WDR35: variants seen among roughly 807,000 people sequenced by gnomAD.
The protein encoded by WDR35 is WD repeat-containing protein 35.
WDR35 carries 118 observed loss-of-function variants against 158.3 expected under a neutral mutation model. That is an observed-to-expected ratio of 0.75 (90% CI 0.64 to 0.87). The LOEUF is 0.87. Among genes scored for constraint, WDR35 ranks in the 40% least tolerant of loss-of-function variants. The pLI is 0.00. For synonymous variants in WDR35, 448 were observed against 476.1 expected, an observed-to-expected ratio of 0.94 and a Z score of 0.77; for missense variants, 1,263 against 1,405.8, an observed-to-expected ratio of 0.90 and a Z score of 1.62.
chr2:19,946,483 A>G lies in WDR35; in HGVS notation c.1612T>C (p.Leu538=), dbSNP rs1671057178. 2 of 1,613,492 alleles carry G rather than the reference A, an allele frequency of 1.2e-6. No homozygotes were observed. The highest frequency in any genetic ancestry group is 1.7e-5 in the Admixed American group (1 of 59,994). The change falls in exon 15 of 27, where the codon TTA becomes CTA. Residue 538 remains leucine, a synonymous_variant. Coordinates refer to ENST00000281405, the MANE Select transcript of WDR35 (RefSeq NM_020779.4). ...TACCTAGAGTTGCAATTCAAGGATA[A>G]CTGGTAGGCTCGACAATTAAGGGAA... is the stretch of plus-strand genomic sequence containing the variant. ...KYSLNCRAYQ[L]SLNCNSSRLA...
chr2:19,924,466 A>G (rs1670293567), intron 25 of WDR35, among the ~76,000 whole-genome samples: 1 of 152,170 alleles, frequency 6.6e-6, no homozygotes, highest in Admixed American at 6.5e-5. Flanking sequence ...CAGGAGGCTG[A>G]GGCAGGAGAA....
chr2:19,936,299 A>C lies in WDR35; in HGVS notation c.2334T>G (p.Thr778=). 1 of 1,614,034 alleles carries C rather than the reference A, an allele frequency of 6.2e-7. No homozygotes were observed. The highest frequency in any genetic ancestry group is 8.5e-7 in the Non-Finnish European group (1 of 1,179,934). Residue 778 remains threonine (T), a synonymous_variant, in exon 20 of 27, where the codon ACT becomes ACG. Transcript: ENST00000281405. ...GACTGTCATCTGCATCACCAGATCCAGTTTTCAGGAGCTGGAGTACTCTAA... is the reference window on the plus strand; with the variant it reads ...GACTGTCATCTGCATCACCAGATCCCGTTTTCAGGAGCTGGAGTACTCTAA... The part of the protein sequence containing the change: ...DWFRVLQLLK[T]GSGDADDSLL...
chr2:19,941,642 G>A, intron 17 of WDR35, 117 bp downstream of exon 17: 1 of 708,684 alleles, frequency 1.4e-6, no homozygotes, highest in Non-Finnish European at 2.4e-6. Flanking sequence ...GAGCAGGGCT[G>A]GGCCTGAGAT....
At position 19,941,449 on chromosome 2, in the gene WDR35, G is replaced by A. The variant is rs79244223; in HGVS notation, c.1926+310C>T. 9.9e-3 allele frequency among the ~76,000 whole-genome samples: 1,512 copies of A among 152,178 alleles called. 27 individuals are homozygous for A. Among genetic ancestry groups the A allele is most frequent in the African/African-American group, 0.034 (1,429 of 41,510 alleles). On this transcript the variant is annotated intron_variant, in intron 17 of 26. Transcript: ENST00000281405. ...CATTTTTTTTAGCTCTCACTTGGCC[G>A]TAGCATTGTGCTAATTGCTTTTCAC...
At chr2:19,943,385 G>T (rs1670938182) in intron 16 of WDR35, among the ~76,000 whole-genome samples, 1 of 152,036 alleles carries the variant, frequency 6.6e-6, no homozygotes, top group Non-Finnish European at 1.5e-5. Context: ...GCTCTAAAAT[G>T]TGCATTATGC....
At position 19,962,091 on chromosome 2, in the gene WDR35, T is replaced by G. The variant is rs10165128; in HGVS notation, c.1195-1477A>C. The stretch of plus-strand genomic sequence containing the variant: ...TCTTTAGGGATGGACTAAATATCTG[T>G]TATCATTGCTTACAAAAATGTCTTG... On this transcript the variant is annotated intron_variant, in intron 10 of 26. Coordinates refer to ENST00000281405, the MANE Select transcript of WDR35 (RefSeq NM_020779.4). Among the ~76,000 whole-genome samples, 69,725 of 152,010 alleles carry G rather than the reference T, an allele frequency of 0.46. 16,216 individuals carry two copies. The highest frequency in any genetic ancestry group is 0.64 in the East Asian group (3,309 of 5,180).
rs1453892642 is a variant in WDR35, at chr2:19,912,442, T to C, written c.*1116A>G. 6.6e-6 allele frequency: 1 copy of C among 152,218 alleles called. No homozygotes were observed. The highest frequency in any genetic ancestry group is 1.5e-5 in the Non-Finnish European group (1 of 68,032). 9.4% of individuals were successfully genotyped at this position (152,218 alleles called of 1,614,324 possible). A position where few individuals can be genotyped will look rare whatever the true frequency, so the allele number is the denominator to read the frequency against. On this transcript the variant is annotated 3_prime_UTR_variant, in exon 27 of 27. Coordinates refer to ENST00000281405, the MANE Select transcript of WDR35 (RefSeq NM_020779.4). ...AAGCTCATCTAGGCTCTAAATCTCT[T>C]CTCATAGCTCACTATTCCCAATCTG...
At chr2:19,932,176 T>C in intron 23 of WDR35, 107 bp downstream of exon 23, 2 of 1,422,224 alleles carry the variant, frequency 1.4e-6, no homozygotes, top group Non-Finnish European at 2.0e-6. Flanking sequence ...AGAGTGGTTT[T>C]GCTGTAATAA....
chr2:19,925,504 C>T (rs550736296), intron 25 of WDR35, among the ~76,000 whole-genome samples: 43 of 152,296 alleles, frequency 2.8e-4, no homozygotes, highest in African/African-American at 9.9e-4. Context: ...TTGGTAGATA[C>T]AGGAGCGGAC....
intron 9 of WDR35, 134 bp from the exon 10 acceptor site, chr2:19,967,043 AT>A: frequency 1.2e-6 from 1 of 812,368 alleles, no homozygotes; most frequent in Non-Finnish European, 2.0e-6. Context: ...GACAAAATAT[AT>A]TCTTCAGAAA....
At chr2:19,964,146 G>A (rs756383198) in intron 10 of WDR35, among the ~76,000 whole-genome samples, 2 of 152,048 alleles carry the variant, frequency 1.3e-5, no homozygotes, top group Non-Finnish European at 2.9e-5. Context: ...GATCCTTGAC[G>A]TTATGAAATC....
intron 25 of WDR35, among the ~76,000 whole-genome samples, chr2:19,925,227 T>C (rs1202288840): frequency 6.6e-6 from 1 of 152,238 alleles, no homozygotes; most frequent in Non-Finnish European, 1.5e-5. Flanking sequence ...AAAAGGGGTA[T>C]AAATACATAC....
chr2:19,989,889 G>T, intron 1 of WDR35, 103 bp downstream of exon 1: 1 of 1,559,124 alleles, frequency 6.4e-7, no homozygotes, highest in South Asian at 1.2e-5. Context: ...GCGAAGCCAC[G>T]ACCAGGACCG....
intron 15 of WDR35, among the ~76,000 whole-genome samples, 177 bp from the exon 16 acceptor site, chr2:19,946,173 A>G (rs181631959): frequency 6.1e-4 from 92 of 151,702 alleles, no homozygotes; most frequent in Admixed American, 9.2e-4. Context: ...ACTACTCTCT[A>G]TTTTGCTCTC....
At position 19,936,483 on chromosome 2, in the gene WDR35, T is replaced by C; in HGVS notation, c.2268-118A>G. 2.1e-6 allele frequency: 3 copies of C among 1,453,946 alleles called. No individual in the cohort carries two copies. The South Asian group carries it at 3.6e-5, about 17-fold the overall frequency. 90.1% of individuals were successfully genotyped at this position (1,453,946 alleles called of 1,614,324 possible). ...GCTACACAGCAGTGGACAATGTGACTCTCCAAACACTTTAGGAACTTAGCC... is the reference window on the plus strand; with the variant it reads ...GCTACACAGCAGTGGACAATGTGACCCTCCAAACACTTTAGGAACTTAGCC... On this transcript the variant is annotated intron_variant, in intron 19 of 26. Coordinates refer to ENST00000281405, the MANE Select transcript of WDR35 (RefSeq NM_020779.4).
chr2:19,975,506 A>G, intron 6 of WDR35, 24 bp downstream of exon 6: 1 of 1,605,712 alleles, frequency 6.2e-7, no homozygotes, highest in Non-Finnish European at 8.5e-7. Flanking sequence ...TGTATAAACA[A>G]GACTGATGCA....
At chr2:19,918,795 G>C (rs1670068958) in intron 25 of WDR35, among the ~76,000 whole-genome samples, 1 of 152,094 alleles carries the variant, frequency 6.6e-6, no homozygotes, top group Non-Finnish European at 1.5e-5. Context: ...CACAATAATA[G>C]TGGGAGACTT....
intron 8 of WDR35, among the ~76,000 whole-genome samples, chr2:19,970,869 A>T (rs556894897): frequency 8.4e-4 from 128 of 152,294 alleles, no homozygotes; most frequent in Admixed American, 1.8e-3. Flanking sequence ...TTCCTCAACG[A>T]GTCCTGCCTT....
chr2:19,969,398 A>G, intron 9 of WDR35, 82 bp downstream of exon 9: 1 of 1,455,264 alleles, frequency 6.9e-7, no homozygotes, highest in Non-Finnish European at 9.4e-7. Flanking sequence ...CTAAAACAAG[A>G]CAGCTTTGAA....
Sources: allele counts gnomAD v4.1 joint callset (sites outside exome capture counted in the v4.1 genomes callset), GRCh38; gene constraint gnomAD v4.1.1; transcripts MANE v1.5; gene names NCBI Gene and HGNC (gene_info 2026-07-23, HGNC 2026-07-21).